Variants in SPATS2L observed in about 807,000 individuals in gnomAD.
The protein encoded by SPATS2L is SPATS2-like protein.
In SPATS2L, 30 loss-of-function variants were observed where a neutral mutation model predicts 59.6. The observed-to-expected ratio is 0.50, with a 90% CI of 0.38 to 0.68. The LOEUF (loss-of-function observed/expected upper bound fraction) is 0.68, where lower values mean the gene tolerates loss of function less well. Among genes scored for constraint, SPATS2L ranks in the 30% least tolerant of loss-of-function variants. SPATS2L has a pLI of 0.00. For synonymous variants in SPATS2L, 252 were observed against 263.5 expected, an observed-to-expected ratio of 0.96 and a Z score of 0.42; for missense variants, 615 against 700.0, an observed-to-expected ratio of 0.88 and a Z score of 1.37.
At chr2:200,402,812 C>T (rs1203963661) in intron 3 of SPATS2L, among the ~76,000 whole-genome samples, 2 of 152,132 alleles carry the variant, frequency 1.3e-5, no homozygotes, top group Admixed American at 1.3e-4. Flanking sequence ...CTGTACTTGG[C>T]CATGGCCTAC....
At chr2:200,326,859 C>G (rs1183894097) in intron 1 of SPATS2L, among the ~76,000 whole-genome samples, 1 of 151,402 alleles carries the variant, frequency 6.6e-6, no homozygotes, top group East Asian at 2.0e-4. Flanking sequence ...CTCAGCCTCC[C>G]AAGTAGCTGG....
chr2:200,351,431 A>C, intron 2 of SPATS2L: 1 of 412,106 alleles, frequency 2.4e-6, no homozygotes, highest in South Asian at 1.8e-5. Context: ...GAGAAATTAA[A>C]ATTAAATGAA....
chr2:200,417,811 G>A (rs1377649893), intron 5 of SPATS2L, among the ~76,000 whole-genome samples: 1 of 152,198 alleles, frequency 6.6e-6, no homozygotes, highest in East Asian at 1.9e-4. Flanking sequence ...TTTTGTAAAT[G>A]TGTTGAAGAA....
intron 8 of SPATS2L, among the ~76,000 whole-genome samples, chr2:200,445,522 T>C (rs1489707740): frequency 6.6e-6 from 1 of 152,202 alleles, no homozygotes; most frequent in African/African-American, 2.4e-5. Flanking sequence ...ACTTTAAATA[T>C]TGTGCACTTT....
chr2:200,383,464 T>C (rs1226558988), intron 2 of SPATS2L, among the ~76,000 whole-genome samples: 1 of 152,240 alleles, frequency 6.6e-6, no homozygotes, highest in Non-Finnish European at 1.5e-5. Flanking sequence ...CATTTCACTT[T>C]AGACTAGCCA....
intron 4 of SPATS2L, among the ~76,000 whole-genome samples, 169 bp downstream of exon 4, chr2:200,412,588 A>G (rs1456763127): frequency 2.1e-5 from 3 of 144,086 alleles, no homozygotes; most frequent in African/African-American, 7.7e-5. Flanking sequence ...CCTAGGTGAC[A>G]GAGTGAGACC....
intron 4 of SPATS2L, 37 bp from the exon 5 acceptor site, chr2:200,416,342 T>C: frequency 8.4e-7 from 1 of 1,184,466 alleles, no homozygotes. Flanking sequence ...TGTTTTATGA[T>C]GTGAATATTT....
chr2:200,332,106 C>T (rs940658217), intron 2 of SPATS2L, among the ~76,000 whole-genome samples: 1 of 151,958 alleles, frequency 6.6e-6, no homozygotes, highest in Non-Finnish European at 1.5e-5. Context: ...AATATTAGCC[C>T]TCATTAAGAG....
chr2:200,421,826 T>C (rs1264795312), intron 6 of SPATS2L, among the ~76,000 whole-genome samples: 1 of 152,226 alleles, frequency 6.6e-6, no homozygotes, highest in African/African-American at 2.4e-5. Flanking sequence ...CCCAACTTGT[T>C]ATTGCTTTCA....
At chr2:200,313,441 TCTG>T (rs2079259093) in intron 1 of SPATS2L, among the ~76,000 whole-genome samples, 2 of 152,194 alleles carry the variant, frequency 1.3e-5, no homozygotes, top group African/African-American at 2.4e-5. Flanking sequence ...GCAGTGGTAA[TCTG>T]TGTCCCTTAT....
chr2:200,432,894 GA>G (rs2084032379), intron 6 of SPATS2L, among the ~76,000 whole-genome samples: 2 of 151,818 alleles, frequency 1.3e-5, no homozygotes, highest in South Asian at 4.1e-4. Context: ...AGAACAGAGA[GA>G]AAAAAAGTAA....
intron 12 of SPATS2L, among the ~76,000 whole-genome samples, chr2:200,475,546 A>T (rs1214804950): frequency 6.6e-6 from 1 of 152,222 alleles, no homozygotes; most frequent in East Asian, 1.9e-4. Context: ...TCTCCAAATG[A>T]GACAGTCAGA....
chr2:200,397,735 A>AT, intron 3 of SPATS2L, among the ~76,000 whole-genome samples: 1 of 152,160 alleles, frequency 6.6e-6, no homozygotes, highest in South Asian at 2.1e-4. Flanking sequence ...TCTAATGGTA[A>AT]TTCTCAACTC....
At chr2:200,393,664 ATTGAT>A (rs894680883) in intron 3 of SPATS2L, among the ~76,000 whole-genome samples, 6 of 152,234 alleles carry the variant, frequency 3.9e-5, no homozygotes, top group African/African-American at 1.4e-4. Flanking sequence ...ATAATTTGAC[ATTGAT>A]TTATTTTAGT....
intron 1 of SPATS2L, among the ~76,000 whole-genome samples, chr2:200,318,007 T>G (rs1574378566): frequency 6.6e-6 from 1 of 152,326 alleles, no homozygotes; most frequent in East Asian, 1.9e-4. Flanking sequence ...AAGGTAAGAA[T>G]GATTTTGATT....
chr2:200,408,768 G>A (rs62279299), intron 3 of SPATS2L, among the ~76,000 whole-genome samples: 7,688 of 152,322 alleles, frequency 0.05, 266 homozygotes, highest in Non-Finnish European at 0.078. Flanking sequence ...CCAGCAGGGC[G>A]GGCCTGAGGC....
intron 12 of SPATS2L, among the ~76,000 whole-genome samples, chr2:200,473,838 AAAAAC>A (rs2087276367): frequency 6.6e-6 from 1 of 152,084 alleles, no homozygotes; most frequent in Non-Finnish European, 1.5e-5. Context: ...TGTCTCTACT[AAAAAC>A]ACAAAATTTA....
At chr2:200,365,926 G>A (rs2081255412) in intron 2 of SPATS2L, among the ~76,000 whole-genome samples, 1 of 152,186 alleles carries the variant, frequency 6.6e-6, no homozygotes, top group South Asian at 2.1e-4. Flanking sequence ...CTCAGCACAA[G>A]CCTATATACA....
At chr2:200,372,465 G>GATAC (rs2081458872) in intron 2 of SPATS2L, among the ~76,000 whole-genome samples, 4 of 152,056 alleles carry the variant, frequency 2.6e-5, no homozygotes, top group Admixed American at 1.3e-4. Context: ...GTATTCCATG[G>GATAC]TGGTTTGTCC....
Sources: allele counts gnomAD v4.1 joint callset (sites outside exome capture counted in the v4.1 genomes callset), GRCh38; gene constraint gnomAD v4.1.1; transcripts MANE v1.5; gene names NCBI Gene and HGNC (gene_info 2026-07-23, HGNC 2026-07-21).